CACNA1C: variants seen among roughly 807,000 people sequenced by gnomAD.
The protein encoded by CACNA1C is calcium voltage-gated channel subunit alpha1 C.
In CACNA1C, 30 loss-of-function variants were observed where a neutral mutation model predicts 229.0. The ratio of observed to expected loss-of-function variants is 0.13; its 90% CI spans 0.10 to 0.18. The LOEUF (loss-of-function observed/expected upper bound fraction) is 0.18. CACNA1C is among the 10% of genes least tolerant of loss of function. The pLI is 1.00. For synonymous variants in CACNA1C, 1,114 were observed against 1,132.5 expected, an observed-to-expected ratio of 0.98 and a Z score of 0.33; for missense variants, 1,658 against 2,845.0, an observed-to-expected ratio of 0.58 and a Z score of 9.49.
intron 3 of CACNA1C, among the ~76,000 whole-genome samples, chr12:2,430,495 ACTGTAGACC>A (rs895559152): frequency 1.3e-5 from 2 of 152,062 alleles, no homozygotes; most frequent in African/African-American, 4.8e-5. Context: ...TTTACAGAAA[ACTGTAGACC>A]CATCCACCCT....
At chr12:2,325,987 GC>G (rs1397195304) in intron 3 of CACNA1C, among the ~76,000 whole-genome samples, 1 of 152,204 alleles carries the variant, frequency 6.6e-6, no homozygotes, top group East Asian at 1.9e-4. Context: ...AGCCTGGCCA[GC>G]CCCCTGAGGA....
At chr12:2,251,140 T>C (rs1342246313) in intron 3 of CACNA1C, among the ~76,000 whole-genome samples, 5 of 152,208 alleles carry the variant, frequency 3.3e-5, no homozygotes, top group African/African-American at 9.7e-5. Context: ...CTGTCATCAG[T>C]ATCTGGGGAG....
intron 3 of CACNA1C, among the ~76,000 whole-genome samples, chr12:2,407,569 C>T (rs1262513948): frequency 6.5e-5 from 4 of 61,822 alleles, no homozygotes; most frequent in African/African-American, 6.5e-5. Flanking sequence ...CAGTGGACAT[C>T]GTCTCCACCG....
rs574407115 is a variant in CACNA1C, at chr12:2,146,166, G to A, written c.477+25736G>A. ...TCTTCCCTGTCACGTTTAGATTGGG[G>A]CAAGGAAAGGTTCTCACCCTCGAGG... On this transcript the variant is annotated intron_variant, in intron 3 of 46. Transcript: ENST00000399655. 3.9e-4 allele frequency among the ~76,000 whole-genome samples: 59 copies of A among 151,258 alleles called. 1 individual carries two copies. The highest frequency in any genetic ancestry group is 1.3e-3 in the African/African-American group (52 of 41,450).
At chr12:2,333,547 G>A (rs575359599) in intron 3 of CACNA1C, among the ~76,000 whole-genome samples, 1 of 152,366 alleles carries the variant, frequency 6.6e-6, no homozygotes, top group East Asian at 1.9e-4. Flanking sequence ...CCTGTGCATA[G>A]GAAGCATGAC....
intron 1 of CACNA1C, among the ~76,000 whole-genome samples, chr12:2,086,300 C>A (rs971526971): frequency 2.0e-5 from 3 of 152,202 alleles, no homozygotes; most frequent in Non-Finnish European, 4.4e-5. Flanking sequence ...ACTGAGTGAC[C>A]ATTACTTCCC....
At chr12:2,521,858 G>T (rs2099810651) in intron 9 of CACNA1C, among the ~76,000 whole-genome samples, 1 of 152,154 alleles carries the variant, frequency 6.6e-6, no homozygotes, top group Non-Finnish European at 1.5e-5. Context: ...AGCCGACTGT[G>T]TCACTCCCTT....
chr12:2,141,415 GC>G (rs944071203), intron 3 of CACNA1C, among the ~76,000 whole-genome samples: 1 of 151,266 alleles, frequency 6.6e-6, no homozygotes, highest in Non-Finnish European at 1.5e-5. Flanking sequence ...GGTGCAAGCT[GC>G]CATTTCTTGA....
At chr12:2,193,916 A>G (rs1322838449) in intron 3 of CACNA1C, among the ~76,000 whole-genome samples, 1 of 151,964 alleles carries the variant, frequency 6.6e-6, no homozygotes, top group Non-Finnish European at 1.5e-5. Flanking sequence ...TGTGCTTCTT[A>G]CTTATCTTCC....
At chr12:2,446,610 G>T (rs1016818122) in intron 3 of CACNA1C, among the ~76,000 whole-genome samples, 1 of 150,914 alleles carries the variant, frequency 6.6e-6, no homozygotes, top group Non-Finnish European at 1.5e-5. Flanking sequence ...TGGCTGGCTG[G>T]ATAGGTGGTG....
chr12:2,450,414 C>T (rs1018378711), intron 4 of CACNA1C, among the ~76,000 whole-genome samples: 6 of 151,680 alleles, frequency 4.0e-5, no homozygotes, highest in Admixed American at 6.6e-5. Flanking sequence ...CTTAGCCGGG[C>T]GAGGTGGCGG....
intron 42 of CACNA1C, among the ~76,000 whole-genome samples, chr12:2,680,910 G>A (rs777732328): frequency 3.9e-5 from 6 of 152,212 alleles, no homozygotes; most frequent in Non-Finnish European, 8.8e-5. Context: ...CAGTGTGCTG[G>A]GCACTGGATT....
At chr12:2,414,352 T>C (rs765126931) in intron 3 of CACNA1C, among the ~76,000 whole-genome samples, 17 of 152,112 alleles carry the variant, frequency 1.1e-4, no homozygotes, top group Non-Finnish European at 1.9e-4. Flanking sequence ...GCTCAGAATT[T>C]GGGAATGGGA....
At chr12:2,586,183 A>G (rs984317665) in intron 18 of CACNA1C, among the ~76,000 whole-genome samples, 8 of 152,136 alleles carry the variant, frequency 5.3e-5, no homozygotes, top group Non-Finnish European at 7.4e-5. Flanking sequence ...TTTTTGTTAC[A>G]TTACATGTTG....
chr12:2,110,278 G>A (rs1426933380), intron 1 of CACNA1C, among the ~76,000 whole-genome samples: 2 of 152,224 alleles, frequency 1.3e-5, no homozygotes, highest in Admixed American at 6.5e-5. Flanking sequence ...CGCAGATGCT[G>A]TCTTCAGGGG....
intron 1 of CACNA1C, among the ~76,000 whole-genome samples, chr12:1,973,412 A>C (rs2033178116): frequency 6.6e-6 from 1 of 152,260 alleles, no homozygotes; most frequent in Non-Finnish European, 1.5e-5. Context: ...AAAAACAAAC[A>C]AAACTCTCTG....
At chr12:2,099,396 C>T (rs1374140083) in intron 1 of CACNA1C, among the ~76,000 whole-genome samples, 1 of 151,926 alleles carries the variant, frequency 6.6e-6, no homozygotes, top group Admixed American at 6.5e-5. Flanking sequence ...GTGCTGAGTT[C>T]TTATGGGACT....
intron 43 of CACNA1C, among the ~76,000 whole-genome samples, chr12:2,684,661 G>A (rs893237080): frequency 1.3e-5 from 2 of 152,162 alleles, no homozygotes; most frequent in Non-Finnish European, 2.9e-5. Flanking sequence ...AGGGGTACAG[G>A]CGTTCAGAGA....
chr12:2,020,074 C>T (rs2154487001), intron 1 of CACNA1C: 1 of 152,304 alleles, frequency 6.6e-6, no homozygotes, highest in East Asian at 1.9e-4. Flanking sequence ...CCCTCTCTCA[C>T]ATGCACACAT....
Sources: gnomAD v4.1 joint callset for allele counts (sites outside exome capture counted in the v4.1 genomes callset) on GRCh38, gnomAD v4.1.1 for gene constraint, MANE v1.5 for transcripts, NCBI Gene and HGNC (gene_info 2026-07-23, HGNC 2026-07-21) for gene names.